Variants in ANKRD27 observed in about 807,000 individuals in gnomAD.
ANKRD27 encodes the protein ankyrin repeat domain 27, also known as ankyrin repeat domain-containing protein 27.
In ANKRD27, 112 loss-of-function variants were observed where a neutral mutation model predicts 129.7. The observed-to-expected ratio is 0.86, with a 90% confidence interval of 0.74 to 1.01. The LOEUF is 1.01. ANKRD27 is among the 50% of genes least tolerant of loss of function. ANKRD27 has a pLI of 0.00. For synonymous variants in ANKRD27, 516 were observed against 511.2 expected (o/e 1.01, Z -0.13); for missense variants, 1,258 against 1,300.5 (o/e 0.97, Z 0.50).
intron 16 of ANKRD27, 91 bp downstream of exon 16, chr19:32,626,621 G>A (rs1966888604): frequency 2.1e-6 from 2 of 950,990 alleles, no homozygotes; most frequent in Non-Finnish European, 3.1e-6. Flanking sequence ...AGACAGGGGT[G>A]CAGGGTAGCC....
chr19:32,617,752 A>ATT, intron 20 of ANKRD27, 119 bp from the exon 21 acceptor site: 14 of 395,924 alleles, frequency 3.5e-5, no homozygotes, highest in Admixed American at 1.2e-4. Context: ...CGTCTGATTT[A>ATT]GTTTTTTTTT....
rs932440228 is a variant in ANKRD27, at chr19:32,626,964, G to C, written c.1421-137C>G. On this transcript the variant is annotated intron_variant, in intron 15 of 28. Transcript: ENST00000306065. ...CGGTAGATACTTTTTCTGCTAGAGA[G>C]GAACTACAGCTAATATAAAGTAAGG... 115 of 593,394 alleles carry C rather than the reference G, an allele frequency of 1.9e-4. No individual in the cohort carries two copies. The African/African-American group carries it at 2.0e-3, about 10-fold the overall frequency. 36.8% of individuals were successfully genotyped at this position (593,394 alleles called of 1,614,324 possible).
chr19:32,647,744 A>C (rs1356946823), intron 3 of ANKRD27, among the ~76,000 whole-genome samples: 1 of 152,202 alleles, frequency 6.6e-6, no homozygotes, highest in African/African-American at 2.4e-5. Flanking sequence ...AGATCTACAA[A>C]AAGGACAGGA....
intron 2 of ANKRD27, among the ~76,000 whole-genome samples, chr19:32,657,876 G>A (rs576425184): frequency 4.1e-4 from 63 of 152,142 alleles, no homozygotes; most frequent in Middle Eastern, 6.8e-3. Flanking sequence ...TTGGGAGGCC[G>A]AGGCAGGAGA....
At chr19:32,640,653 G>A (rs1280992458) in intron 10 of ANKRD27, among the ~76,000 whole-genome samples, 2 of 152,198 alleles carry the variant, frequency 1.3e-5, no homozygotes, top group Non-Finnish European at 2.9e-5. Context: ...TGTAATCCCA[G>A]TGCTTTGGGA....
At chr19:32,606,445 C>T (rs372915102) in intron 23 of ANKRD27, among the ~76,000 whole-genome samples, 8 of 152,096 alleles carry the variant, frequency 5.3e-5, no homozygotes, top group Non-Finnish European at 7.4e-5. Context: ...TGAGCCACCA[C>T]GCCCAGCCGT....
chr19:32,624,930 C>G (rs764234910), intron 17 of ANKRD27, among the ~76,000 whole-genome samples: 1 of 151,834 alleles, frequency 6.6e-6, no homozygotes, highest in Non-Finnish European at 1.5e-5. Context: ...AAGATCTTGT[C>G]TCAAAAAAAA....
rs371677596 is a variant in ANKRD27 at position 32,649,721 on chromosome 19, C to A, written c.174G>T (p.Leu58Phe). 3 of 1,613,894 alleles carry A rather than the reference C, an allele frequency of 1.9e-6. No homozygotes were observed. Among genetic ancestry groups the A allele is most frequent in the African/African-American group, 2.7e-5 (2 of 74,912 alleles). ...QSTCQFESYI[L>F]IPVEEHFQTL... is the part of the protein sequence containing the mutation. ...TCTGAAAATGCTCTTCCACAGGTAT[C>A]AAAATGTAGGACTCAAACTGACAAG... Residue 58 changes from leucine to phenylalanine, a missense_variant, in exon 3 of 29, where the codon TTG (leucine) becomes TTT (phenylalanine). Transcript: ENST00000306065.
intron 10 of ANKRD27, among the ~76,000 whole-genome samples, chr19:32,641,401 G>A (rs1244878597): frequency 6.6e-6 from 1 of 152,066 alleles, no homozygotes; most frequent in East Asian, 1.9e-4. Context: ...TATAGACATG[G>A]AGTCCACTGC....
rs1967153270 is a variant in ANKRD27 at position 32,639,447 on chromosome 19, C to T, written c.1025G>A (p.Ser342Asn). ...GTATCCCAGTTCATCCTTTGCCAAG[C>T]TGCTAAACCTGAAGTTTTTGATGTA... ...LSYIKNFRFS[S>N]LAKDELGYCL... is the part of the protein sequence containing the mutation. Residue 342 changes from serine (S) to asparagine (N), a missense_variant, in exon 12 of 29, where the codon AGC (serine) becomes AAC (asparagine). Ser to Asn is a conservative substitution (Grantham distance 46, BLOSUM62 1). Transcript: ENST00000306065. 6.2e-7 allele frequency: 1 copy of T among 1,613,962 alleles called. No homozygotes were observed. Among genetic ancestry groups the T allele is most frequent in the Non-Finnish European group, 8.5e-7 (1 of 1,179,970 alleles).
At chr19:32,612,985 G>A (rs1971856051) in intron 22 of ANKRD27, among the ~76,000 whole-genome samples, 5 of 152,200 alleles carry the variant, frequency 3.3e-5, no homozygotes, top group Middle Eastern at 3.4e-3. Flanking sequence ...GCCCATGTGA[G>A]GAAATTATAG....
intron 2 of ANKRD27, among the ~76,000 whole-genome samples, chr19:32,652,714 G>C (rs1967442454): frequency 6.6e-6 from 1 of 151,968 alleles, no homozygotes; most frequent in Non-Finnish European, 1.5e-5. Flanking sequence ...GATCACTTGA[G>C]TCCAGGAGTT....
chr19:32,633,032 G>T (rs995849514), intron 12 of ANKRD27, among the ~76,000 whole-genome samples: 2 of 152,134 alleles, frequency 1.3e-5, no homozygotes, highest in Non-Finnish European at 2.9e-5. Flanking sequence ...ACTTTACACC[G>T]CAATTCACAG....
At chr19:32,659,946 C>T (rs1332338773) in intron 1 of ANKRD27, among the ~76,000 whole-genome samples, 5 of 152,056 alleles carry the variant, frequency 3.3e-5, no homozygotes, top group African/African-American at 1.2e-4. Context: ...TAAAAATAAA[C>T]AATTATCTAC....
At chr19:32,669,367 T>C (rs1176270389) in intron 1 of ANKRD27, among the ~76,000 whole-genome samples, 2 of 152,242 alleles carry the variant, frequency 1.3e-5, no homozygotes, top group Non-Finnish European at 2.9e-5. Context: ...TTAAATTCAC[T>C]TATTACTGGA....
intron 15 of ANKRD27, among the ~76,000 whole-genome samples, chr19:32,627,696 C>T (rs1287773011): frequency 1.3e-5 from 2 of 152,146 alleles, no homozygotes; most frequent in Non-Finnish European, 2.9e-5. Context: ...CCATGCCCAG[C>T]CAAATGTATA....
intron 2 of ANKRD27, among the ~76,000 whole-genome samples, chr19:32,650,217 G>A (rs1291067097): frequency 6.6e-6 from 1 of 152,186 alleles, no homozygotes; most frequent in Non-Finnish European, 1.5e-5. Context: ...GGAAAGTACA[G>A]AAAAGGGAAG....
At chr19:32,650,105 C>G (rs747634886) in intron 2 of ANKRD27, among the ~76,000 whole-genome samples, 22 of 152,022 alleles carry the variant, frequency 1.4e-4, no homozygotes, top group Non-Finnish European at 2.5e-4. Flanking sequence ...ATCGCTGGGT[C>G]CCCCCCAGGC....
rs918665992 is a variant in ANKRD27, at chr19:32,628,259, G to T, written c.1338-94C>A. ...AGATAGGCAGGTACCACAGACAGAA[G>T]GCGGCTCACAGGATGCCACCCAAGA... On this transcript the variant is annotated intron_variant, in intron 14 of 28. Coordinates refer to ENST00000306065, the MANE Select transcript of ANKRD27 (RefSeq NM_032139.3). 8 of 1,055,662 alleles carry T rather than the reference G, an allele frequency of 7.6e-6. No homozygotes were observed. In the Admixed American group the frequency reaches 1.6e-4, roughly 21 times the overall value. 65.4% of individuals were successfully genotyped at this position (1,055,662 alleles called of 1,614,324 possible).
Sources: allele counts gnomAD v4.1 joint callset (sites outside exome capture counted in the v4.1 genomes callset), GRCh38; gene constraint gnomAD v4.1.1; transcripts MANE v1.5; gene names NCBI Gene and HGNC (gene_info 2026-07-23, HGNC 2026-07-21).